Variants in CSPP1 observed in about 807,000 individuals in gnomAD.
CSPP1 encodes centrosome and spindle pole-associated protein 1.
Under a neutral mutation model 164.4 loss-of-function variants are expected in CSPP1, and 126 were observed. The ratio of observed to expected loss-of-function variants is 0.77; its 90% CI spans 0.66 to 0.89. The LOEUF (loss-of-function observed/expected upper bound fraction) is 0.89, where lower values mean the gene tolerates loss of function less well. CSPP1 is among the 40% of genes least tolerant of loss of function. The pLI, the probability that CSPP1 is intolerant of heterozygous loss-of-function variation, is 0.00. For missense variants in CSPP1, 1,395 were observed against 1,449.8 expected (o/e 0.96, Z 0.61); for synonymous variants, 472 against 476.7 (o/e 0.99, Z 0.13).
intron 3 of CSPP1, among the ~76,000 whole-genome samples, chr8:67,082,089 C>T (rs1231510695): frequency 1.3e-5 from 2 of 152,150 alleles, no homozygotes; most frequent in African/African-American, 4.8e-5. Context: ...GCTCTGTTGC[C>T]CAGGCTGGAG....
At chr8:67,166,076 T>C (rs1195177901) in intron 24 of CSPP1, among the ~76,000 whole-genome samples, 1 of 152,218 alleles carries the variant, frequency 6.6e-6, no homozygotes, top group Non-Finnish European at 1.5e-5. Context: ...ACTTTGGCCA[T>C]TGGGAGCTCT....
At position 67,125,722 on chromosome 8, in the gene CSPP1, C is replaced by T. The variant is rs953382790; in HGVS notation, c.1698-6229C>T. Among the ~76,000 whole-genome samples the T allele has an allele frequency of 2.0e-5, 3 of 152,188 alleles. No individual in the cohort carries two copies. The East Asian group carries it at 5.8e-4, about 29-fold the overall frequency. On this transcript the variant is annotated intron_variant, in intron 15 of 30. Transcript: ENST00000678616. ...TCTGCCTGCTCGAATGTGCTCTTGGCTCCCTTTTCTTTTCAGTTATATTTT... is the reference window on the plus strand; with the variant it reads ...TCTGCCTGCTCGAATGTGCTCTTGGTTCCCTTTTCTTTTCAGTTATATTTT...
chr8:67,141,925 A>G (rs1194967820), intron 17 of CSPP1, among the ~76,000 whole-genome samples: 2 of 152,222 alleles, frequency 1.3e-5, no homozygotes, highest in Admixed American at 6.5e-5. Flanking sequence ...GCTAACTTTA[A>G]TTCTGCTGCT....
At chr8:67,115,879 A>T in intron 12 of CSPP1, 35 bp from the exon 13 acceptor site, 1 of 1,542,666 alleles carries the variant, frequency 6.5e-7, no homozygotes, top group Non-Finnish European at 9.0e-7. Context: ...ACTTATGATT[A>T]TATGTAACAA....
chr8:67,082,764 AC>A (rs1349544958), intron 3 of CSPP1, among the ~76,000 whole-genome samples: 1 of 152,214 alleles, frequency 6.6e-6, no homozygotes, highest in Non-Finnish European at 1.5e-5. Context: ...GAAACCAAAT[AC>A]TTCTAATTAC....
At chr8:67,159,486 TTA>T (rs139631633) in intron 21 of CSPP1, among the ~76,000 whole-genome samples, 112 of 141,988 alleles carry the variant, frequency 7.9e-4, no homozygotes, top group Middle Eastern at 3.6e-3. Flanking sequence ...TGAGAGTGGT[TTA>T]TATATATATA....
At chr8:67,158,119 G>A (rs1162630548) in intron 19 of CSPP1, among the ~76,000 whole-genome samples, 1 of 152,146 alleles carries the variant, frequency 6.6e-6, no homozygotes, top group African/African-American at 2.4e-5. Flanking sequence ...GGACTTTTAT[G>A]TTCCTTACAT....
In CSPP1 at chr8:67,154,401, T is replaced by C. The variant is rs562857590; in HGVS notation, c.2241+265T>C. Reference sequence around the variant, plus strand: ...ATTTTTTTGAGACGGAGTCTTGCTCTGTCTACCCAGGCTAGGGTGTAGTGG... The same window carrying C: ...ATTTTTTTGAGACGGAGTCTTGCTCCGTCTACCCAGGCTAGGGTGTAGTGG... On this transcript the variant is annotated intron_variant, in intron 19 of 30. Transcript: ENST00000678616. Among the ~76,000 whole-genome samples the C allele has an allele frequency of 2.0e-5, 3 of 152,336 alleles. No individual in the cohort carries two copies. In the South Asian group the frequency reaches 6.2e-4, roughly 32 times the overall value.
intron 28 of CSPP1, among the ~76,000 whole-genome samples, chr8:67,183,905 C>T (rs1346024934): frequency 2.4e-5 from 3 of 127,282 alleles, no homozygotes; most frequent in South Asian, 2.5e-4. Flanking sequence ...CAGGCTGGAG[C>T]GTGATGGCGT....
intron 7 of CSPP1, among the ~76,000 whole-genome samples, chr8:67,102,704 G>C (rs1164486784): frequency 1.3e-5 from 2 of 152,292 alleles, no homozygotes; most frequent in South Asian, 2.1e-4. Flanking sequence ...CAGGGACTGT[G>C]TCCGAATACC....
chr8:67,149,872 C>A lies in CSPP1; in HGVS notation c.2065C>A (p.Leu689Ile). 6.2e-7 allele frequency: 1 copy of A among 1,606,550 alleles called. No homozygotes were observed. The highest frequency in any genetic ancestry group is 8.5e-7 in the Non-Finnish European group (1 of 1,177,232). The change falls in exon 18 of 31, where the codon CTA (leucine) becomes ATA (isoleucine). Residue 689 changes from leucine to isoleucine, a missense_variant. Transcript: ENST00000678616. ...TYEDKRAVVS[L>I]DPNLATSNAE... ...TGAAGATAAAAGGGCTGTTGTATCTCTAGACCCAAATTTAGCCACTTCAAA... is the reference window on the plus strand; with the variant it reads ...TGAAGATAAAAGGGCTGTTGTATCTATAGACCCAAATTTAGCCACTTCAAA...
At chr8:67,084,991 C>G (rs1299456728) in intron 3 of CSPP1, among the ~76,000 whole-genome samples, 1 of 152,034 alleles carries the variant, frequency 6.6e-6, no homozygotes, top group African/African-American at 2.4e-5. Flanking sequence ...GTGTACAATT[C>G]AATGGTTTTT....
chr8:67,126,084 G>A (rs1252568940), intron 15 of CSPP1, among the ~76,000 whole-genome samples: 3 of 152,086 alleles, frequency 2.0e-5, no homozygotes, highest in East Asian at 1.9e-4. Context: ...TGCCCGCCTC[G>A]GCCTCTCAAA....
At chr8:67,071,287 G>A (rs2129540503) in intron 1 of CSPP1, among the ~76,000 whole-genome samples, 1 of 150,778 alleles carries the variant, frequency 6.6e-6, no homozygotes, top group East Asian at 1.9e-4. Flanking sequence ...GTTCTATTTT[G>A]TACCTCTTTC....
chr8:67,172,616 C>CACCTAGATTTACACGTAT, intron 25 of CSPP1, 61 bp downstream of exon 25: 2 of 1,360,426 alleles, frequency 1.5e-6, no homozygotes, highest in African/African-American at 1.5e-5. Flanking sequence ...ATTTAAATAT[C>CACCTAGATTTACACGTAT]TATAAAGATC....
At chr8:67,104,607 T>A (rs190962520) in intron 8 of CSPP1, among the ~76,000 whole-genome samples, 18 of 151,930 alleles carry the variant, frequency 1.2e-4, no homozygotes, top group East Asian at 1.2e-3. Flanking sequence ...CCTTTTTTTT[T>A]ATTTTTTATT....
At chr8:67,163,184 G>A (rs1828702594) in intron 22 of CSPP1, among the ~76,000 whole-genome samples, 1 of 152,148 alleles carries the variant, frequency 6.6e-6, no homozygotes. Flanking sequence ...TTGTTGGAGT[G>A]ATGGGTGTGA....
intron 28 of CSPP1, among the ~76,000 whole-genome samples, chr8:67,185,896 C>T (rs1189123247): frequency 6.6e-6 from 1 of 152,050 alleles, no homozygotes; most frequent in African/African-American, 2.4e-5. Flanking sequence ...GACAAGAATC[C>T]TTCAAAAAAA....
chr8:67,093,447 T>C (rs1812039784), intron 5 of CSPP1, 96 bp from the exon 6 acceptor site: 1 of 705,986 alleles, frequency 1.4e-6, no homozygotes, highest in African/African-American at 1.8e-5. Context: ...AGAGTTCTGA[T>C]ATGTATGATT....
Sources: allele counts gnomAD v4.1 joint callset (sites outside exome capture counted in the v4.1 genomes callset), GRCh38; gene constraint gnomAD v4.1.1; transcripts MANE v1.5; gene names NCBI Gene and HGNC (gene_info 2026-07-23, HGNC 2026-07-21).